Variants in SOX6 observed in about 807,000 individuals in gnomAD.
SOX6 encodes transcription factor SOX-6.
SOX6 carries 11 observed loss-of-function variants against 97.8 expected under a neutral mutation model. The observed-to-expected ratio is 0.11, with a 90% CI of 0.07 to 0.19. The LOEUF (loss-of-function observed/expected upper bound fraction) is 0.19. SOX6 is among the 10% of genes least tolerant of loss of function. The probability of loss-of-function intolerance (pLI) is 1.00; values close to 1 mark genes in which losing one functional copy is unlikely to be tolerated. For missense variants in SOX6, 810 were observed against 1,039.5 expected (o/e 0.78, Z 3.04); for synonymous variants, 360 against 371.4 (o/e 0.97, Z 0.35).
intron 3 of SOX6, among the ~76,000 whole-genome samples, chr11:16,635,262 C>A (rs1848767831): frequency 1.3e-5 from 2 of 152,132 alleles, no homozygotes; most frequent in Non-Finnish European, 2.9e-5. Context: ...CTGGAGGTTC[C>A]TAGAGACTTG....
rs796071914 is a variant in SOX6 at position 16,717,866 on chromosome 11, C to CT, written n.354-2962dup. ...AATATGGCAACTCTTCCTCTTTGTT[C>CT]TTTTTTTTTTTTAAGCTTTTCTTCT... On this transcript the variant is annotated intron_variant and non_coding_transcript_variant, in intron 2 of 5. Transcript: ENST00000524520. Among the ~76,000 whole-genome samples, 119 of 135,904 alleles carry CT rather than the reference C, an allele frequency of 8.8e-4. 1 individual carries two copies. The highest frequency in any genetic ancestry group is 7.1e-3 in the East Asian group (33 of 4,662). The allele number at this position is 135,904 out of a possible 152,430, so 89.2% of individuals were successfully genotyped here.
At chr11:16,150,223 T>A (rs1850424501) in intron 6 of SOX6, among the ~76,000 whole-genome samples, 1 of 152,160 alleles carries the variant, frequency 6.6e-6, no homozygotes, top group South Asian at 2.1e-4. Flanking sequence ...GTAAAAAAGG[T>A]TACATTTCTC....
In SOX6 at chr11:16,723,339, T is replaced by C. The variant is rs570692362; in HGVS notation, n.354-8434A>G. Among the ~76,000 whole-genome samples, 3 of 151,436 alleles carry C rather than the reference T, an allele frequency of 2.0e-5. No homozygotes were observed. The East Asian group carries it at 5.8e-4, about 29-fold the overall frequency. Reference sequence around the variant, plus strand: ...GGGGGCTTCTTGCGGAGGGGGAAGGTGGGAGGAGCAAGAGGAGCCGAGAAG... The same window carrying C: ...GGGGGCTTCTTGCGGAGGGGGAAGGCGGGAGGAGCAAGAGGAGCCGAGAAG... On this transcript the variant is annotated intron_variant and non_coding_transcript_variant, in intron 2 of 5. Transcript: ENST00000524520.
intron 3 of SOX6, among the ~76,000 whole-genome samples, chr11:16,665,324 G>C (rs1038119831): frequency 3.3e-5 from 5 of 152,106 alleles, no homozygotes; most frequent in African/African-American, 7.2e-5. Context: ...GACCTAAAGA[G>C]AGAGTCCCAG....
At chr11:16,702,946 G>GTA (rs977760540) in intron 3 of SOX6, among the ~76,000 whole-genome samples, 14 of 148,840 alleles carry the variant, frequency 9.4e-5, no homozygotes, top group South Asian at 6.3e-4. Flanking sequence ...TCCTTCATAT[G>GTA]TATATATATA....
intron 1 of SOX6, among the ~76,000 whole-genome samples, chr11:16,350,969 C>T (rs1259328016): frequency 1.3e-5 from 2 of 151,878 alleles, no homozygotes; most frequent in Admixed American, 6.6e-5. Flanking sequence ...CAGAAAATAC[C>T]ACTCCATGTT....
intron 3 of SOX6, among the ~76,000 whole-genome samples, chr11:16,642,382 A>T (rs1848932014): frequency 6.6e-6 from 1 of 151,900 alleles, no homozygotes; most frequent in Non-Finnish European, 1.5e-5. Flanking sequence ...GGTGAATCTG[A>T]CAATTATGTG....
At chr11:16,322,437 T>G (rs1393556518) in intron 2 of SOX6, among the ~76,000 whole-genome samples, 1 of 152,146 alleles carries the variant, frequency 6.6e-6, no homozygotes, top group Non-Finnish European at 1.5e-5. Flanking sequence ...CAGCCATGCT[T>G]CCTGTACAGC....
At chr11:16,440,065 C>A (rs73433558) in intron 1 of SOX6, among the ~76,000 whole-genome samples, 1 of 152,126 alleles carries the variant, frequency 6.6e-6, no homozygotes, top group Admixed American at 6.6e-5. Flanking sequence ...AAAAACATAA[C>A]CTCGAGGCTA....
chr11:16,470,879 G>A (rs946623295), intron 1 of SOX6, among the ~76,000 whole-genome samples: 2 of 151,934 alleles, frequency 1.3e-5, no homozygotes, highest in Non-Finnish European at 2.9e-5. Context: ...TATTCTGTTG[G>A]TATTATTATT....
At chr11:16,494,557 G>C (rs906408449) in intron 4 of SOX6, among the ~76,000 whole-genome samples, 3 of 150,962 alleles carry the variant, frequency 2.0e-5, no homozygotes, top group Non-Finnish European at 3.0e-5. Context: ...TTGCTGACTA[G>C]AGGCATCTGG....
chr11:16,232,844 T>C (rs1373636576), intron 4 of SOX6, among the ~76,000 whole-genome samples: 1 of 152,154 alleles, frequency 6.6e-6, no homozygotes, highest in African/African-American at 2.4e-5. Flanking sequence ...ATAGAGAATA[T>C]GTCACTAATG....
At chr11:16,242,654 A>C (rs1853229319) in intron 3 of SOX6, among the ~76,000 whole-genome samples, 1 of 151,766 alleles carries the variant, frequency 6.6e-6, no homozygotes, top group Non-Finnish European at 1.5e-5. Flanking sequence ...ACAAAAAAAA[A>C]ACCTTTCCTC....
At chr11:16,662,764 G>T (rs2134019888) in intron 3 of SOX6, among the ~76,000 whole-genome samples, 1 of 152,264 alleles carries the variant, frequency 6.6e-6, no homozygotes, top group African/African-American at 2.4e-5. Context: ...CATAATCATG[G>T]TTCACTGCAG....
intron 3 of SOX6, among the ~76,000 whole-genome samples, chr11:16,247,824 A>G (rs1176229955): frequency 6.6e-6 from 1 of 152,074 alleles, no homozygotes; most frequent in Admixed American, 6.6e-5. Flanking sequence ...ATTTCAAAAC[A>G]CAACAATGCC....
intron 4 of SOX6, among the ~76,000 whole-genome samples, chr11:16,595,240 G>T (rs1370842657): frequency 6.6e-6 from 1 of 151,892 alleles, no homozygotes; most frequent in Non-Finnish European, 1.5e-5. Flanking sequence ...TGCCAAAGCG[G>T]TGGTGAGGAA....
intron 1 of SOX6, among the ~76,000 whole-genome samples, chr11:16,473,509 G>C (rs559578097): frequency 1.1e-4 from 17 of 151,654 alleles, no homozygotes; most frequent in Non-Finnish European, 1.3e-4. Context: ...TGGTCAGGGT[G>C]GTAGTTGCTG....
chr11:16,089,007 T>C (rs904223117), intron 9 of SOX6, among the ~76,000 whole-genome samples: 34 of 152,186 alleles, frequency 2.2e-4, no homozygotes, highest in African/African-American at 7.7e-4. Context: ...TAGGTTAATA[T>C]AGACATTGTA....
chr11:16,442,033 C>A (rs553246887), intron 1 of SOX6, among the ~76,000 whole-genome samples: 1 of 152,266 alleles, frequency 6.6e-6, no homozygotes, highest in South Asian at 2.1e-4. Context: ...GCATTATCAG[C>A]CTGATACAAA....
Sources: allele counts gnomAD v4.1 joint callset (sites outside exome capture counted in the v4.1 genomes callset), GRCh38; gene constraint gnomAD v4.1.1; transcripts MANE v1.5; gene names NCBI Gene and HGNC (gene_info 2026-07-23, HGNC 2026-07-21).